NRP2: variants seen among roughly 807,000 people sequenced by gnomAD.
NRP2 encodes neuropilin 2.
Under a neutral mutation model 110.4 loss-of-function variants are expected in NRP2, and 52 were observed. That is an observed-to-expected ratio of 0.47 (90% CI 0.38 to 0.59). NRP2 has a LOEUF of 0.59. NRP2 is among the 20% of genes least tolerant of loss of function. The pLI is 0.00. For synonymous variants in NRP2, 508 were observed against 468.9 expected (o/e 1.08, Z -1.08); for missense variants, 1,049 against 1,203.0 (o/e 0.87, Z 1.89).
chr2:205,769,500 A>C (rs1164085051), intron 15 of NRP2, among the ~76,000 whole-genome samples: 1 of 114,426 alleles, frequency 8.7e-6, no homozygotes, highest in Non-Finnish European at 1.8e-5. Context: ...GTGTATATAC[A>C]TACATACACA....
intron 11 of NRP2, among the ~76,000 whole-genome samples, chr2:205,750,949 A>G (rs1031395890): frequency 1.3e-5 from 2 of 152,196 alleles, no homozygotes; most frequent in Non-Finnish European, 2.9e-5. Context: ...GCAATAATTT[A>G]ATGCATATGC....
chr2:205,752,545 A>G, intron 11 of NRP2: 1 of 429,806 alleles, frequency 2.3e-6, no homozygotes, highest in South Asian at 2.2e-5. Flanking sequence ...CTGCTCTCCG[A>G]GGTGGACAGA....
Position 205,728,020 on chromosome 2 carries a change from G to C in NRP2, c.1120G>C (p.Val374Leu), listed in dbSNP as rs773855907. The change falls in exon 7 of 17, where the codon GTG becomes CTG. Residue 374 changes from valine to leucine, a missense_variant. Transcript: ENST00000357785. The stretch of plus-strand genomic sequence containing the variant: ...CAGCACTAATGGAGAGGACTGGATG[G>C]TGTACCGGCATGGCAAAAACCACAA... Reference protein sequence around the residue: ...EVSTNGEDWMVYRHGKNHKVF... With the variant: ...EVSTNGEDWMLYRHGKNHKVF... The C allele has an allele frequency of 3.1e-6, 5 of 1,614,156 alleles. 1 individual carries two copies. The South Asian group carries it at 5.5e-5, about 18-fold the overall frequency.
chr2:205,722,082 A>G (rs1022565631), intron 3 of NRP2, among the ~76,000 whole-genome samples: 2 of 151,510 alleles, frequency 1.3e-5, no homozygotes, highest in Non-Finnish European at 2.9e-5. Flanking sequence ...AATAACTTAC[A>G]TTTCTGGAGT....
Position 205,776,510 on chromosome 2 carries a change from G to A in NRP2, c.2425+9707G>A, listed in dbSNP as rs910717989. 23 of 1,606,430 alleles carry A rather than the reference G, an allele frequency of 1.4e-5. No individual in the cohort carries two copies. The highest frequency in any genetic ancestry group is 6.7e-5 in the Admixed American group (4 of 59,974). On this transcript the variant is annotated intron_variant, in intron 15 of 16. Transcript: ENST00000357785. ...CTAACCATTAAGCTAGAGCAAGACC[G>A]TGGCTCGCACTGCTGAGGGCCGAAG...
intron 15 of NRP2, among the ~76,000 whole-genome samples, chr2:205,787,855 T>A (rs563817872): frequency 6.6e-6 from 1 of 151,836 alleles, no homozygotes; most frequent in African/African-American, 2.4e-5. Context: ...AGGCAGCAGG[T>A]TGGAGTGTCT....
intron 8 of NRP2, among the ~76,000 whole-genome samples, chr2:205,742,470 G>A (rs986532835): frequency 1.3e-5 from 2 of 152,224 alleles, no homozygotes; most frequent in African/African-American, 4.8e-5. Context: ...CCAATTTAGT[G>A]AGGATTGAAA....
At chr2:205,735,657 G>C (rs2057329873) in intron 7 of NRP2, among the ~76,000 whole-genome samples, 1 of 104,856 alleles carries the variant, frequency 9.5e-6, no homozygotes, top group South Asian at 5.3e-4. Context: ...GATAGCAGCT[G>C]ATTTAATTGG....
rs202190937 is a variant in NRP2, at chr2:205,795,389, T to C, written c.*331T>C. On this transcript the variant is annotated 3_prime_UTR_variant, in exon 17 of 17. Transcript: ENST00000357785. ...TTATTATTATTATTATTATTATTAT[T>C]ATATTTTATTTCTTTGGTCTGTGAG... 4.7e-5 allele frequency: 7 copies of C among 147,518 alleles called. No individual in the cohort carries two copies. Among genetic ancestry groups the C allele is most frequent in the African/African-American group, 1.8e-4 (7 of 39,216 alleles). 9.1% of individuals were successfully genotyped at this position (147,518 alleles called of 1,614,324 possible).
At chr2:205,754,892 G>A (rs907474766) in intron 12 of NRP2, among the ~76,000 whole-genome samples, 1 of 152,140 alleles carries the variant, frequency 6.6e-6, no homozygotes, top group South Asian at 2.1e-4. Context: ...AGGCTGGGGA[G>A]GTTGGCTGGC....
At chr2:205,692,606 A>T (rs533531180) in intron 1 of NRP2, among the ~76,000 whole-genome samples, 1 of 152,296 alleles carries the variant, frequency 6.6e-6, no homozygotes, top group East Asian at 1.9e-4. Flanking sequence ...GCAGCCACAG[A>T]CTCAGTTACA....
intron 16 of NRP2, among the ~76,000 whole-genome samples, chr2:205,793,690 C>T (rs1014649907): frequency 6.6e-6 from 1 of 152,172 alleles, no homozygotes; most frequent in Non-Finnish European, 1.5e-5. Flanking sequence ...CTCAGAATTT[C>T]CCCTTTTTCT....
chr2:205,748,241 T>C (rs972621536), intron 10 of NRP2, among the ~76,000 whole-genome samples: 8 of 152,180 alleles, frequency 5.3e-5, no homozygotes, highest in African/African-American at 1.9e-4. Flanking sequence ...AATTTCCATC[T>C]GTTTCTCACA....
intron 2 of NRP2, among the ~76,000 whole-genome samples, chr2:205,699,605 G>A (rs2056509318): frequency 6.6e-6 from 1 of 152,182 alleles, no homozygotes; most frequent in African/African-American, 2.4e-5. Flanking sequence ...TTGGGTTGCA[G>A]GGTACCCCTT....
chr2:205,791,214 A>T (rs1053942922), intron 15 of NRP2, among the ~76,000 whole-genome samples: 19 of 151,750 alleles, frequency 1.3e-4, no homozygotes, highest in African/African-American at 4.4e-4. Context: ...TGGGATTTTG[A>T]TTTTCTTTTA....
At chr2:205,736,764 G>C (rs1347878466) in intron 7 of NRP2, among the ~76,000 whole-genome samples, 1 of 152,122 alleles carries the variant, frequency 6.6e-6, no homozygotes, top group Non-Finnish European at 1.5e-5. Context: ...AGGGAATAGG[G>C]AATAAAACCA....
At chr2:205,758,122 C>T (rs1239618082) in intron 12 of NRP2, among the ~76,000 whole-genome samples, 2 of 152,142 alleles carry the variant, frequency 1.3e-5, no homozygotes, top group Non-Finnish European at 2.9e-5. Flanking sequence ...CTAAGTTTAT[C>T]CAAAGTCAGT....
At chr2:205,772,059 C>G (rs1187299853) in intron 15 of NRP2, among the ~76,000 whole-genome samples, 1 of 152,196 alleles carries the variant, frequency 6.6e-6, no homozygotes, top group African/African-American at 2.4e-5. Flanking sequence ...CTCAGGGGAC[C>G]CTGGGCCATC....
intron 15 of NRP2, among the ~76,000 whole-genome samples, chr2:205,783,448 G>A (rs956519476): frequency 1.3e-5 from 2 of 152,220 alleles, no homozygotes; most frequent in African/African-American, 4.8e-5. Flanking sequence ...CATCCCTTAA[G>A]GTCAGTATGC....
Sources: gnomAD v4.1 joint callset for allele counts (sites outside exome capture counted in the v4.1 genomes callset) on GRCh38, gnomAD v4.1.1 for gene constraint, MANE v1.5 for transcripts, NCBI Gene and HGNC (gene_info 2026-07-23, HGNC 2026-07-21) for gene names.